RGS17: variants seen among roughly 807,000 people sequenced by gnomAD.
RGS17 encodes the protein regulator of G protein signaling 17, also known as regulator of G-protein signaling 17.
RGS17 carries 12 observed loss-of-function variants against 25.5 expected under a neutral mutation model. The observed-to-expected ratio is 0.47, with a 90% confidence interval of 0.30 to 0.76. The LOEUF is 0.76. Ranked by LOEUF, RGS17 falls within the 30% of genes least tolerant of loss-of-function variation. The pLI is 0.07. For synonymous variants in RGS17, 71 were observed against 76.9 expected (o/e 0.92, Z 0.40); for missense variants, 196 against 242.2 (o/e 0.81, Z 1.27).
At position 153,115,147 on chromosome 6, in the gene RGS17, G is replaced by A. The variant is rs529419964; in HGVS notation, c.-26+15977C>T. Among the ~76,000 whole-genome samples the A allele has an allele frequency of 3.9e-3, 590 of 152,304 alleles. 7 individuals carry two copies. Among genetic ancestry groups the A allele is most frequent in the Non-Finnish European group, 6.1e-3 (417 of 68,028 alleles). On this transcript the variant is annotated intron_variant, in intron 1 of 4. Coordinates refer to ENST00000206262, the MANE Select transcript of RGS17 (RefSeq NM_012419.5). ...GGAGAGAGGAAGTCAAATTGTCTCT[G>A]TTTGCAGATAACGTGATTGTATATT...
chr6:153,046,617 C>T (rs956994169), intron 1 of RGS17, among the ~76,000 whole-genome samples: 1 of 152,006 alleles, frequency 6.6e-6, no homozygotes, highest in African/African-American at 2.4e-5. Context: ...AAGATTTACA[C>T]ATAATCATTT....
chr6:153,056,667 C>T (rs993748958), intron 1 of RGS17, among the ~76,000 whole-genome samples: 1 of 152,172 alleles, frequency 6.6e-6, no homozygotes, highest in African/African-American at 2.4e-5. Context: ...CCTAACCTAA[C>T]TGCTGTCTTC....
intron 4 of RGS17, among the ~76,000 whole-genome samples, chr6:153,018,938 A>G (rs1258726519): frequency 6.6e-6 from 1 of 152,270 alleles, no homozygotes; most frequent in Non-Finnish European, 1.5e-5. Context: ...ACATATCTAC[A>G]TGGACACACA....
intron 2 of RGS17, among the ~76,000 whole-genome samples, chr6:153,041,812 T>C (rs973994790): frequency 3.3e-5 from 5 of 152,250 alleles, no homozygotes; most frequent in Non-Finnish European, 7.3e-5. Context: ...AACTGATCTT[T>C]TTTTAAAACA....
rs957407572 is a variant in RGS17 at position 153,010,073 on chromosome 6, G to A, written c.*1501C>T. 4.0e-5 allele frequency: 6 copies of A among 151,606 alleles called. No individual in the cohort carries two copies. Among genetic ancestry groups the A allele is most frequent in the African/African-American group, 1.4e-4 (6 of 41,434 alleles). 9.4% of individuals were successfully genotyped at this position (151,606 alleles called of 1,614,324 possible). On this transcript the variant is annotated 3_prime_UTR_variant, in exon 5 of 5. Coordinates refer to ENST00000206262, the MANE Select transcript of RGS17 (RefSeq NM_012419.5). ...AAAATGACAAAGAAAACCTGTAACT[G>A]TAATATCATCCTTAATATAAGGCCA...
At chr6:153,100,870 T>C (rs1192321929) in intron 1 of RGS17, among the ~76,000 whole-genome samples, 1 of 152,154 alleles carries the variant, frequency 6.6e-6, no homozygotes, top group Non-Finnish European at 1.5e-5. Context: ...CAAAACACGT[T>C]CAAAAAAGGC....
intron 1 of RGS17, among the ~76,000 whole-genome samples, chr6:153,096,101 T>TGCTA (rs1777204467): frequency 6.6e-6 from 1 of 152,192 alleles, no homozygotes; most frequent in Non-Finnish European, 1.5e-5. Context: ...TTGAACAACG[T>TGCTA]GCTACTGGAA....
At chr6:153,086,778 G>C (rs1474878637) in intron 1 of RGS17, among the ~76,000 whole-genome samples, 1 of 152,158 alleles carries the variant, frequency 6.6e-6, no homozygotes, top group Admixed American at 6.5e-5. Context: ...TATGAACCCA[G>C]GAGTTTATCA....
intron 1 of RGS17, among the ~76,000 whole-genome samples, chr6:153,069,527 T>A (rs182643503): frequency 1.6e-3 from 241 of 152,104 alleles, no homozygotes; most frequent in Middle Eastern, 3.4e-3. Flanking sequence ...TTAGAAGGAA[T>A]GAATAAGACC....
intron 1 of RGS17, among the ~76,000 whole-genome samples, chr6:153,074,424 G>T (rs970030683): frequency 1.3e-5 from 2 of 152,076 alleles, no homozygotes; most frequent in Non-Finnish European, 2.9e-5. Context: ...GTTTGGGTCT[G>T]CATTCTTAAC....
chr6:153,116,724 C>G (rs1357554943), intron 1 of RGS17, among the ~76,000 whole-genome samples: 2 of 152,172 alleles, frequency 1.3e-5, no homozygotes, highest in African/African-American at 2.4e-5. Flanking sequence ...CATATATACA[C>G]CATGGAATAC....
At chr6:153,095,973 GA>G (rs1400749902) in intron 1 of RGS17, among the ~76,000 whole-genome samples, 8 of 152,188 alleles carry the variant, frequency 5.3e-5, no homozygotes, top group Admixed American at 4.6e-4. Flanking sequence ...GAAATGTAAG[GA>G]AAAATGATAA....
chr6:153,079,667 A>C (rs1776943201), intron 1 of RGS17, among the ~76,000 whole-genome samples: 2 of 152,064 alleles, frequency 1.3e-5, no homozygotes, highest in Admixed American at 6.6e-5. Context: ...GTTTGTTATG[A>C]TCTCTTATCT....
chr6:153,008,256 G>A lies in RGS17; in HGVS notation c.*3318C>T, dbSNP rs1779097755. 6.6e-6 allele frequency: 1 copy of A among 151,984 alleles called. No individual in the cohort carries two copies. Among genetic ancestry groups the A allele is most frequent in the Non-Finnish European group, 1.5e-5 (1 of 68,018 alleles). 9.4% of individuals were successfully genotyped at this position (151,984 alleles called of 1,614,324 possible). A position where few individuals can be genotyped will look rare whatever the true frequency, so the allele number is the denominator to read the frequency against. ...AAGTCAGAACCTAGGCAGCATTAAA[G>A]GATACTAATAAACATCCATGCACTA... On this transcript the variant is annotated 3_prime_UTR_variant, in exon 5 of 5. Coordinates refer to ENST00000206262, the MANE Select transcript of RGS17 (RefSeq NM_012419.5).
intron 1 of RGS17, among the ~76,000 whole-genome samples, chr6:153,116,714 C>T (rs1047022452): frequency 1.3e-5 from 2 of 152,134 alleles, no homozygotes; most frequent in Non-Finnish European, 2.9e-5. Context: ...GAAAATGTGG[C>T]ATATATACAC....
chr6:153,092,376 G>C (rs1403440721), intron 1 of RGS17, among the ~76,000 whole-genome samples: 3 of 152,180 alleles, frequency 2.0e-5, no homozygotes, highest in African/African-American at 4.8e-5. Flanking sequence ...AGAGTTTGCT[G>C]TTTGGCTTTT....
intron 1 of RGS17, among the ~76,000 whole-genome samples, chr6:153,084,817 G>A (rs1777031032): frequency 6.6e-6 from 1 of 152,174 alleles, no homozygotes; most frequent in Non-Finnish European, 1.5e-5. Flanking sequence ...AGTGGTGCAA[G>A]AACAAGGAAC....
Position 153,024,269 on chromosome 6 carries a change from G to T in RGS17, c.437C>A (p.Pro146Gln), listed in dbSNP as rs1405457482. The T allele has an allele frequency of 6.2e-7, 1 of 1,601,714 alleles. No individual in the cohort carries two copies. The highest frequency in any genetic ancestry group is 8.5e-7 in the Non-Finnish European group (1 of 1,170,008). Residue 146 changes from proline (P) to glutamine (Q), a missense_variant, in exon 4 of 5, where the codon CCA becomes CAA. Transcript: ENST00000206262. ...TGTTTTCCAGATTTTTACCTCTTTT[G>T]GTGATAGTATAGAAATGTAATCTTC... ...IYEDYISILS[P>Q]KEVSLDSRVR...
chr6:153,130,392 C>CCG lies in RGS17; in HGVS notation c.-26+730_-26+731dup, dbSNP rs1025775326. Among the ~76,000 whole-genome samples the CCG allele has an allele frequency of 1.9e-4, 29 of 151,968 alleles. No homozygotes were observed. ...CCCCTCGGTGGCTGTGGAATCCACC[C>CCG]CGCGCCGCACACGCCAGGACTCCCT... On this transcript the variant is annotated intron_variant, in intron 1 of 4. Transcript: ENST00000206262. This position sits in a 1 kb window ranked among gnomAD's most constrained non-coding sequence, Gnocchi z 6.4.
Sources: allele counts gnomAD v4.1 joint callset (sites outside exome capture counted in the v4.1 genomes callset), GRCh38; gene constraint gnomAD v4.1.1; non-coding constraint Gnocchi (gnomAD v3.1); transcripts MANE v1.5; gene names NCBI Gene and HGNC (gene_info 2026-07-23, HGNC 2026-07-21).